DPF3: variants seen among roughly 807,000 people sequenced by gnomAD.
DPF3 encodes double PHD fingers 3.
In DPF3, 18 loss-of-function variants were observed where a neutral mutation model predicts 56.8. That is an observed-to-expected ratio of 0.32 (90% CI 0.22 to 0.47). The LOEUF is 0.47. DPF3 is among the 20% of genes least tolerant of loss of function. DPF3 has a pLI of 1.00. For missense variants in DPF3, 403 were observed against 488.8 expected (o/e 0.82, Z 1.65); for synonymous variants, 188 against 180.2 (o/e 1.04, Z -0.35).
At chr14:72,812,329 A>C (rs867610587) in intron 1 of DPF3, among the ~76,000 whole-genome samples, 24 of 152,326 alleles carry the variant, frequency 1.6e-4, no homozygotes, top group African/African-American at 5.8e-4. Flanking sequence ...GGAGCTGGAA[A>C]GAATTCCAGA....
intron 1 of DPF3, among the ~76,000 whole-genome samples, chr14:72,887,455 A>G (rs891073699): frequency 6.6e-6 from 1 of 152,212 alleles, no homozygotes; most frequent in African/African-American, 2.4e-5. Flanking sequence ...TTAGAACCCC[A>G]AGAAGGGAGC....
chr14:72,663,115 C>G (rs1886290065), intron 8 of DPF3, among the ~76,000 whole-genome samples: 1 of 132,382 alleles, frequency 7.6e-6, no homozygotes, highest in Non-Finnish European at 1.5e-5. Context: ...AGAGAGAACA[C>G]AGCTGGATGG....
At chr14:72,872,709 G>A (rs1310996092) in intron 1 of DPF3, among the ~76,000 whole-genome samples, 1 of 152,178 alleles carries the variant, frequency 6.6e-6, no homozygotes, top group African/African-American at 2.4e-5. Context: ...GCATGGTACT[G>A]GTACCAAAAC....
chr14:72,679,542 G>A lies in DPF3; in HGVS notation c.743-5174C>T, dbSNP rs190477104. Among the ~76,000 whole-genome samples the A allele has an allele frequency of 3.7e-4, 56 of 152,350 alleles. 2 individuals are homozygous for A. The East Asian group carries it at 7.0e-3, about 19-fold the overall frequency. On this transcript the variant is annotated intron_variant, in intron 7 of 10. Coordinates refer to ENST00000556509, the MANE Select transcript of DPF3 (RefSeq NM_001280542.3). ...GTGCACAGCCCTTGGGGAATTCGGG[G>A]GCAGTGAGCAGAGCCCTCTGGGAAG... is the stretch of plus-strand genomic sequence containing the variant.
intron 2 of DPF3, among the ~76,000 whole-genome samples, chr14:72,753,673 C>T: frequency 6.6e-6 from 1 of 152,138 alleles, no homozygotes; most frequent in Non-Finnish European, 1.5e-5. Flanking sequence ...GACCTTCAGA[C>T]AAGAAGGACC....
chr14:72,662,388 G>A (rs186849904), intron 8 of DPF3: 6 of 984,892 alleles, frequency 6.1e-6, no homozygotes, highest in Non-Finnish European at 7.2e-6. Flanking sequence ...GAAGTAGGAG[G>A]TACTTTAAAC....
At chr14:72,785,386 C>T (rs1013717219) in intron 1 of DPF3, among the ~76,000 whole-genome samples, 3 of 152,176 alleles carry the variant, frequency 2.0e-5, no homozygotes, top group Admixed American at 1.3e-4. Flanking sequence ...CAAACTGAGG[C>T]ACAGAGAGTC....
Position 72,693,138 on chromosome 14 carries a change from C to T in DPF3, c.680G>A (p.Gly227Glu), listed in dbSNP as rs1452950935. ...AGTCTCCTGGTCTTGAGCTTCATCCCCCTCCTCGCTGGCCAGGTGAGTGTG... is the reference window on the plus strand; with the variant it reads ...AGTCTCCTGGTCTTGAGCTTCATCCTCCTCCTCGCTGGCCAGGTGAGTGTG... Reference protein sequence around the residue: ...YAHTHLASEEGDEAQDQETRS... With the variant: ...YAHTHLASEEEDEAQDQETRS... The change falls in exon 7 of 11, where the codon GGG becomes GAG. Residue 227 changes from glycine (G) to glutamate (E), a missense_variant. Gly to Glu is a moderately conservative substitution (Grantham distance 98, BLOSUM62 -2). Around this residue, in one of 2 missense-constraint regions of DPF3, gnomAD observed 340 missense variants for 374.3 expected, o/e 0.91. Coordinates refer to ENST00000556509, the MANE Select transcript of DPF3 (RefSeq NM_001280542.3). The T allele has an allele frequency of 1.2e-6, 2 of 1,613,930 alleles. No individual in the cohort carries two copies. The highest frequency in any genetic ancestry group is 1.7e-5 in the Admixed American group (1 of 60,014).
intron 1 of DPF3, among the ~76,000 whole-genome samples, chr14:72,791,135 C>T (rs889452180): frequency 2.0e-5 from 3 of 152,190 alleles, no homozygotes; most frequent in Non-Finnish European, 4.4e-5. Context: ...CCCACTCCCC[C>T]GACCTAGCCC....
At chr14:72,748,370 A>C (rs1212286142) in intron 3 of DPF3, among the ~76,000 whole-genome samples, 2 of 152,254 alleles carry the variant, frequency 1.3e-5, no homozygotes, top group African/African-American at 2.4e-5. Flanking sequence ...ATTTCTAAGC[A>C]GCAAAGCATT....
intron 8 of DPF3, among the ~76,000 whole-genome samples, chr14:72,644,358 A>T (rs768320630): frequency 3.0e-4 from 45 of 152,234 alleles, no homozygotes; most frequent in Admixed American, 1.2e-3. Flanking sequence ...TCCATCGGCC[A>T]AATTTTCATC....
At chr14:72,802,406 G>C (rs1346369832) in intron 1 of DPF3, among the ~76,000 whole-genome samples, 1 of 152,124 alleles carries the variant, frequency 6.6e-6, no homozygotes, top group Non-Finnish European at 1.5e-5. Flanking sequence ...CAGCTCCTAA[G>C]TGCTGTGAGT....
chr14:72,889,318 A>T (rs1886662712), intron 1 of DPF3, among the ~76,000 whole-genome samples: 1 of 152,212 alleles, frequency 6.6e-6, no homozygotes, highest in Non-Finnish European at 1.5e-5. Flanking sequence ...TCAAAAGCAG[A>T]CATTTACCCA....
At chr14:72,649,655 C>CTGGG (rs1391104804) in intron 8 of DPF3, among the ~76,000 whole-genome samples, 5 of 33,412 alleles carry the variant, frequency 1.5e-4, no homozygotes, top group Admixed American at 9.3e-4. Flanking sequence ...TCACTCATCC[C>CTGGG]TGGGTGGGGG....
intron 10 of DPF3, among the ~76,000 whole-genome samples, chr14:72,619,644 C>T (rs1023061854): frequency 6.6e-6 from 1 of 152,174 alleles, no homozygotes; most frequent in Admixed American, 6.5e-5. Flanking sequence ...TCACACCTCC[C>T]GGTCATCTCC....
intron 4 of DPF3, among the ~76,000 whole-genome samples, chr14:72,728,083 C>T (rs1468351923): frequency 6.6e-6 from 1 of 152,184 alleles, no homozygotes; most frequent in Admixed American, 6.5e-5. Flanking sequence ...GACCCACATA[C>T]CCAGAGCATC....
chr14:72,886,130 G>A (rs1886535790), intron 1 of DPF3, among the ~76,000 whole-genome samples: 2 of 152,216 alleles, frequency 1.3e-5, no homozygotes, highest in African/African-American at 4.8e-5. Context: ...CCAGCACTTT[G>A]GGAAGCTGAG....
chr14:72,640,597 C>T (rs545780321), intron 8 of DPF3, among the ~76,000 whole-genome samples: 11 of 152,116 alleles, frequency 7.2e-5, no homozygotes, highest in South Asian at 4.2e-4. Flanking sequence ...GTCAATAGGA[C>T]GTGATACCTG....
intron 6 of DPF3, among the ~76,000 whole-genome samples, chr14:72,701,839 C>T (rs1293999213): frequency 3.3e-5 from 5 of 152,188 alleles, no homozygotes; most frequent in South Asian, 2.1e-4. Context: ...AGCTCATTCC[C>T]GGCTCTGCCC....
Sources: allele counts gnomAD v4.1 joint callset (sites outside exome capture counted in the v4.1 genomes callset), GRCh38; gene constraint gnomAD v4.1.1; regional missense constraint gnomAD v4.1.1; transcripts MANE v1.5; gene names NCBI Gene and HGNC (gene_info 2026-07-23, HGNC 2026-07-21).